The following CSMD1 variants were observed in gnomAD, a reference collection of about 807,000 sequenced individuals.
CSMD1 encodes CUB and sushi domain-containing protein 1.
A neutral mutation model predicts 417.5 loss-of-function variants in CSMD1; 213 were observed. That is an observed-to-expected ratio of 0.51 (90% CI 0.46 to 0.57). CSMD1 has a LOEUF of 0.57. Ranked by LOEUF, CSMD1 falls within the 20% of genes least tolerant of loss-of-function variation. The probability of loss-of-function intolerance (pLI) is 0.00; values close to 1 mark genes in which losing one functional copy is unlikely to be tolerated. For missense variants in CSMD1, 6,923 were observed against 4,529.7 expected, an observed-to-expected ratio of 1.53 and a Z score of -15.17; for synonymous variants, 2,862 against 1,736.8, an observed-to-expected ratio of 1.65 and a Z score of -16.11.
At chr8:4,377,356 T>C (rs1211435903) in intron 3 of CSMD1, among the ~76,000 whole-genome samples, 2 of 152,196 alleles carry the variant, frequency 1.3e-5, no homozygotes, top group East Asian at 1.9e-4. Context: ...TAATTTGGCT[T>C]TTAATGGTTT....
At chr8:4,064,722 C>G (rs1799155658) in intron 3 of CSMD1, among the ~76,000 whole-genome samples, 1 of 152,166 alleles carries the variant, frequency 6.6e-6, no homozygotes, top group Admixed American at 6.5e-5. Context: ...AGTATCCGTA[C>G]TCAACCTTCA....
intron 5 of CSMD1, among the ~76,000 whole-genome samples, chr8:3,815,676 C>T (rs1392253391): frequency 1.3e-5 from 2 of 150,164 alleles, no homozygotes; most frequent in African/African-American, 2.5e-5. Flanking sequence ...TCCTCCCAGT[C>T]TCTTATCAAT....
intron 1 of CSMD1, among the ~76,000 whole-genome samples, chr8:4,898,872 T>C (rs1370479607): frequency 1.3e-5 from 2 of 152,222 alleles, no homozygotes; most frequent in Admixed American, 1.3e-4. Flanking sequence ...GTCTAAGTTT[T>C]AACATAACAG....
At chr8:3,463,171 C>T (rs1816614868) in intron 12 of CSMD1, among the ~76,000 whole-genome samples, 1 of 152,180 alleles carries the variant, frequency 6.6e-6, no homozygotes, top group Non-Finnish European at 1.5e-5. Context: ...ACTAACTGTG[C>T]ACCTGTCGTG....
chr8:4,285,803 C>T (rs1797028192), intron 3 of CSMD1, among the ~76,000 whole-genome samples: 1 of 152,032 alleles, frequency 6.6e-6, no homozygotes, highest in African/African-American at 2.4e-5. Flanking sequence ...TCCAGGTGTC[C>T]CTCTAATTTC....
intron 9 of CSMD1, 120 bp from the exon 10 acceptor site, chr8:3,575,186 A>T (rs1800099655): frequency 2.7e-6 from 2 of 740,136 alleles, no homozygotes; most frequent in Admixed American, 6.2e-5. Context: ...AAAAAAAAAA[A>T]ATGGTGCATG....
chr8:4,923,988 G>A (rs1356724586), intron 1 of CSMD1, among the ~76,000 whole-genome samples: 1 of 152,182 alleles, frequency 6.6e-6, no homozygotes, highest in Non-Finnish European at 1.5e-5. Context: ...GATAGTTTAA[G>A]AAAGTTTTAT....
In CSMD1 at chr8:4,813,867, G is replaced by C. The variant is rs80004172; in HGVS notation, c.86-176309C>G. Among the ~76,000 whole-genome samples, 1,080 of 152,244 alleles carry C rather than the reference G, an allele frequency of 7.1e-3. 8 individuals are homozygous for C. Among genetic ancestry groups the C allele is most frequent in the African/African-American group, 0.025 (1,050 of 41,538 alleles). On this transcript the variant is annotated intron_variant, in intron 1 of 69. Coordinates refer to ENST00000635120, the MANE Select transcript of CSMD1 (RefSeq NM_033225.6). Reference sequence around the variant, plus strand: ...GCATAGTAGCATTCTCAGGTTTTGTGTGTTTTCCATTAGAGAATATTTACA... The same window carrying C: ...GCATAGTAGCATTCTCAGGTTTTGTCTGTTTTCCATTAGAGAATATTTACA...
intron 26 of CSMD1, among the ~76,000 whole-genome samples, chr8:3,279,821 T>G (rs185229897): frequency 4.5e-4 from 69 of 152,158 alleles, no homozygotes; most frequent in African/African-American, 1.5e-3. Flanking sequence ...ACAGATCTCA[T>G]GAGACTTACT....
chr8:4,748,419 T>C (rs886817347), intron 1 of CSMD1, among the ~76,000 whole-genome samples: 3 of 152,218 alleles, frequency 2.0e-5, no homozygotes, highest in Non-Finnish European at 4.4e-5. Flanking sequence ...TCACATTTTA[T>C]TTGCTGCTGC....
chr8:3,387,408 G>A (rs1319957611), intron 18 of CSMD1, 86 bp downstream of exon 18: 2 of 1,175,398 alleles, frequency 1.7e-6, no homozygotes, highest in Admixed American at 2.4e-5. Flanking sequence ...ACCACCCCCT[G>A]AAATACACAC....
Position 4,020,936 on chromosome 8 carries a change from C to G in CSMD1, c.610+10969G>C, listed in dbSNP as rs1382510642. On this transcript the variant is annotated intron_variant, in intron 4 of 69. Coordinates refer to ENST00000635120, the MANE Select transcript of CSMD1 (RefSeq NM_033225.6). The stretch of plus-strand genomic sequence containing the variant: ...TGCTGAAACTTAAAGGGAAGAATTT[C>G]CAACACATTGTGACGTGGACTTTGA... Among the ~76,000 whole-genome samples, 6 of 152,312 alleles carry G rather than the reference C, an allele frequency of 3.9e-5. No individual in the cohort carries two copies. The East Asian group carries it at 9.6e-4, about 24-fold the overall frequency.
At position 3,772,674 on chromosome 8, in the gene CSMD1, C is replaced by T. The variant is rs548292989; in HGVS notation, c.819-18632G>A. 1.3e-4 allele frequency among the ~76,000 whole-genome samples: 19 copies of T among 143,994 alleles called. No homozygotes were observed. The East Asian group carries it at 3.4e-3, about 26-fold the overall frequency. 94.5% of individuals were successfully genotyped at this position (143,994 alleles called of 152,430 possible). On this transcript the variant is annotated intron_variant, in intron 5 of 69. Coordinates refer to ENST00000635120, the MANE Select transcript of CSMD1 (RefSeq NM_033225.6). Reference sequence around the variant, plus strand: ...ACATATATACATACATTTATATATACATATATACATATATATACAAATATA... The same window carrying T: ...ACATATATACATACATTTATATATATATATATACATATATATACAAATATA...
At chr8:3,274,316 T>C (rs1230205888) in intron 26 of CSMD1, among the ~76,000 whole-genome samples, 1 of 152,196 alleles carries the variant, frequency 6.6e-6, no homozygotes, top group Non-Finnish European at 1.5e-5. Context: ...TTTCTGTTCT[T>C]TTATATTTGC....
intron 2 of CSMD1, among the ~76,000 whole-genome samples, chr8:4,422,404 A>C (rs1397987648): frequency 5.9e-5 from 9 of 152,138 alleles, no homozygotes; most frequent in Admixed American, 5.2e-4. Flanking sequence ...TACAGAGGTA[A>C]TTATAGTTAA....
chr8:4,446,086 G>A (rs907088425), intron 2 of CSMD1, among the ~76,000 whole-genome samples: 5 of 152,196 alleles, frequency 3.3e-5, no homozygotes, highest in African/African-American at 9.6e-5. Flanking sequence ...GAAGGGCTCC[G>A]TGTTCACTGT....
chr8:3,434,367 T>C (rs1359427874), intron 12 of CSMD1, among the ~76,000 whole-genome samples: 1 of 152,210 alleles, frequency 6.6e-6, no homozygotes, highest in Non-Finnish European at 1.5e-5. Flanking sequence ...GGTGATTTTA[T>C]GACTTTTCCA....
At chr8:2,985,986 GGGAAAGGGGAA>G in intron 54 of CSMD1, among the ~76,000 whole-genome samples, 3 of 144,056 alleles carry the variant, frequency 2.1e-5, no homozygotes, top group African/African-American at 8.2e-5. Flanking sequence ...GAAAGGGGAA[GGGAAAGGGGAA>G]GCGGAAGGGG....
At chr8:3,468,674 G>T (rs1421535144) in intron 12 of CSMD1, 38 bp downstream of exon 12, 9 of 1,336,588 alleles carry the variant, frequency 6.7e-6, no homozygotes, top group Admixed American at 1.9e-5. Context: ...CTCTTGGAAT[G>T]CTAACTTCCA....
Sources: allele counts gnomAD v4.1 joint callset (sites outside exome capture counted in the v4.1 genomes callset), GRCh38; gene constraint gnomAD v4.1.1; transcripts MANE v1.5; gene names NCBI Gene and HGNC (gene_info 2026-07-23, HGNC 2026-07-21).